CTTNBP2: variants seen among roughly 807,000 people sequenced by gnomAD.
The protein encoded by CTTNBP2 is cortactin-binding protein 2.
Under a neutral mutation model 156.9 loss-of-function variants are expected in CTTNBP2, and 108 were observed. The ratio of observed to expected loss-of-function variants is 0.69; its 90% CI spans 0.59 to 0.81. The LOEUF is 0.81. CTTNBP2 is among the 30% of genes least tolerant of loss of function. The pLI is 0.00. For missense variants in CTTNBP2, 1,924 were observed against 2,035.4 expected, an observed-to-expected ratio of 0.95 and a Z score of 1.05; for synonymous variants, 767 against 751.8, an observed-to-expected ratio of 1.02 and a Z score of -0.33.
chr7:117,806,675 T>C (rs1799962169), intron 3 of CTTNBP2, among the ~76,000 whole-genome samples: 1 of 152,058 alleles, frequency 6.6e-6, no homozygotes, highest in Admixed American at 6.6e-5. Flanking sequence ...ATCTAGAATC[T>C]AGAGTTTCAA....
intron 3 of CTTNBP2, among the ~76,000 whole-genome samples, chr7:117,795,372 A>G (rs1799261293): frequency 6.6e-6 from 1 of 151,594 alleles, no homozygotes; most frequent in Non-Finnish European, 1.5e-5. Context: ...TAACCCCAAC[A>G]AAAAAAAATT....
At position 117,792,681 on chromosome 7, in the gene CTTNBP2, A is replaced by G. The variant is rs1316377259; in HGVS notation, c.515T>C (p.Leu172Pro). The G allele has an allele frequency of 6.2e-7, 1 of 1,613,980 alleles. No homozygotes were observed. The highest frequency in any genetic ancestry group is 1.7e-5 in the Admixed American group (1 of 60,010). Residue 172 changes from leucine to proline, a missense_variant, in exon 4 of 23, where the codon CTG becomes CCG. Physicochemically the swap from Leu to Pro is moderately conservative, Grantham distance 98. Transcript: ENST00000160373. The surrounding 1 kb of genome is among the most constrained non-coding windows in gnomAD (Gnocchi z 4.2). ...CTGCTTGCACTCTTTGACCAGCATC[A>G]GGACCACCTGCTTGTTCTTGCCACG... is the stretch of plus-strand genomic sequence containing the variant. The part of the protein sequence containing the change: ...EERGKNKQVV[L>P]MLVKECKQLS...
intron 12 of CTTNBP2, among the ~76,000 whole-genome samples, chr7:117,747,167 T>C (rs1796377231): frequency 6.6e-6 from 1 of 152,228 alleles, no homozygotes; most frequent in Non-Finnish European, 1.5e-5. Context: ...ATTGCTCAAG[T>C]GAAGATTGAG....
intron 1 of CTTNBP2, among the ~76,000 whole-genome samples, chr7:117,870,724 A>T (rs1804534908): frequency 6.6e-6 from 1 of 152,236 alleles, no homozygotes; most frequent in Non-Finnish European, 1.5e-5. Context: ...GAGTGGAAAC[A>T]GCAATATGGC....
chr7:117,811,893 A>G (rs1423238367), intron 2 of CTTNBP2, among the ~76,000 whole-genome samples: 1 of 145,300 alleles, frequency 6.9e-6, no homozygotes, highest in Non-Finnish European at 1.5e-5. Context: ...TTTAATGTAA[A>G]AATTTTAATT....
intron 9 of CTTNBP2, among the ~76,000 whole-genome samples, chr7:117,764,692 T>C (rs1362163983): frequency 6.6e-6 from 1 of 152,208 alleles, no homozygotes; most frequent in African/African-American, 2.4e-5. Context: ...TTGGTACCTT[T>C]AAAATATGAA....
chr7:117,767,313 C>A, intron 8 of CTTNBP2, 137 bp from the exon 9 acceptor site: 1 of 633,140 alleles, frequency 1.6e-6, no homozygotes, highest in East Asian at 2.6e-5. Context: ...TCCATCAACC[C>A]CAATATACAG....
chr7:117,782,942 C>G lies in CTTNBP2; in HGVS notation c.2292G>C (p.Leu764=). Residue 764 remains leucine (L), a synonymous_variant, in exon 6 of 23, where the codon CTG becomes CTC. Coordinates refer to ENST00000160373, the MANE Select transcript of CTTNBP2 (RefSeq NM_033427.3). ...NGHTDCVRLL[L]SAEAQVNAAD... is the part of the protein sequence containing the mutation. ...CAGCATTGACTTGGGCTTCTGCACT[C>G]AGCAGCAATCTCACACAGTCTATGG... 1 of 1,613,868 alleles carries G rather than the reference C, an allele frequency of 6.2e-7. No individual in the cohort carries two copies. The highest frequency in any genetic ancestry group is 8.5e-7 in the Non-Finnish European group (1 of 1,179,770).
intron 22 of CTTNBP2, among the ~76,000 whole-genome samples, chr7:117,714,818 C>T (rs2116323909): frequency 6.6e-6 from 1 of 152,312 alleles, no homozygotes; most frequent in East Asian, 1.9e-4. Context: ...GACCAATGCA[C>T]AGCATCCTGC....
intron 4 of CTTNBP2, among the ~76,000 whole-genome samples, chr7:117,788,064 T>A (rs1798798720): frequency 2.0e-5 from 3 of 152,158 alleles, no homozygotes; most frequent in Admixed American, 2.0e-4. Context: ...AGCCTTGACT[T>A]CCCGAATTCA....
intron 12 of CTTNBP2, among the ~76,000 whole-genome samples, chr7:117,747,340 T>A (rs1454337330): frequency 6.6e-6 from 1 of 152,084 alleles, no homozygotes; most frequent in Non-Finnish European, 1.5e-5. Flanking sequence ...GTAGCTGGGA[T>A]GGACTTCTGT....
At chr7:117,844,418 T>TAA (rs1802459376) in intron 2 of CTTNBP2, among the ~76,000 whole-genome samples, 1 of 152,108 alleles carries the variant, frequency 6.6e-6, no homozygotes, top group South Asian at 2.1e-4. Flanking sequence ...CAACAAGATG[T>TAA]ACAGAGAGAC....
intron 19 of CTTNBP2, 70 bp downstream of exon 19, chr7:117,724,473 GCATA>G (rs1794974467): frequency 8.0e-7 from 1 of 1,248,844 alleles, no homozygotes; most frequent in African/African-American, 1.5e-5. Context: ...AAAAATGAAA[GCATA>G]TTTGCTTTCA....
At chr7:117,774,452 G>A (rs548591552) in intron 8 of CTTNBP2, among the ~76,000 whole-genome samples, 2 of 152,280 alleles carry the variant, frequency 1.3e-5, no homozygotes, top group Admixed American at 6.5e-5. Context: ...AGGAGGAGGT[G>A]AGTGGAGGGT....
At chr7:117,717,379 T>TATAATTAA (rs1451197144) in intron 22 of CTTNBP2, among the ~76,000 whole-genome samples, 1 of 151,656 alleles carries the variant, frequency 6.6e-6, no homozygotes, top group Non-Finnish European at 1.5e-5. Flanking sequence ...TTTGTTTTGT[T>TATAATTAA]ATAATTAACT....
intron 16 of CTTNBP2, among the ~76,000 whole-genome samples, chr7:117,729,358 C>T (rs1264598214): frequency 2.0e-5 from 3 of 152,204 alleles, no homozygotes; most frequent in Non-Finnish European, 4.4e-5. Context: ...ACATTAAAAA[C>T]TGGTGTTTCA....
intron 16 of CTTNBP2, among the ~76,000 whole-genome samples, chr7:117,733,010 C>T (rs776087800): frequency 1.3e-5 from 2 of 152,100 alleles, no homozygotes; most frequent in African/African-American, 4.8e-5. Flanking sequence ...GTATTTCCTA[C>T]TAAAAAGGGT....
rs1803702725 is a variant in CTTNBP2, at chr7:117,861,089, G to C, written c.189+120C>G. On this transcript the variant is annotated intron_variant, in intron 2 of 22. Coordinates refer to ENST00000160373, the MANE Select transcript of CTTNBP2 (RefSeq NM_033427.3). ...GTGTTTGGGGTGAAGAGCACATTTTGACCTGATGTAACATTTTAAATCTAT... is the reference window on the plus strand; with the variant it reads ...GTGTTTGGGGTGAAGAGCACATTTTCACCTGATGTAACATTTTAAATCTAT... 1.1e-5 allele frequency: 7 copies of C among 649,446 alleles called. No homozygotes were observed. In the East Asian group the frequency reaches 1.9e-4, roughly 18 times the overall value. The allele number at this position is 649,446 out of a possible 1,614,324, so 40.2% of individuals were successfully genotyped here.
intron 2 of CTTNBP2, among the ~76,000 whole-genome samples, chr7:117,837,496 T>C (rs1802027878): frequency 6.6e-6 from 1 of 152,184 alleles, no homozygotes; most frequent in Admixed American, 6.5e-5. Context: ...AACTACAGGT[T>C]GAAGATCCCA....
Sources: gnomAD v4.1 joint callset for allele counts (sites outside exome capture counted in the v4.1 genomes callset) on GRCh38, gnomAD v4.1.1 for gene constraint, Gnocchi (gnomAD v3.1) non-coding constraint, MANE v1.5 for transcripts, NCBI Gene and HGNC (gene_info 2026-07-23, HGNC 2026-07-21) for gene names.